FIP1L1: variants seen among roughly 807,000 people sequenced by gnomAD.
FIP1L1 encodes the protein pre-mRNA 3'-end-processing factor FIP1.
FIP1L1 carries 21 observed loss-of-function variants against 84.6 expected under a neutral mutation model. The observed-to-expected ratio is 0.25, with a 90% CI of 0.18 to 0.36. The LOEUF is 0.36. Among genes scored for constraint, FIP1L1 ranks in the 10% least tolerant of loss-of-function variants. The pLI is 1.00. For synonymous variants in FIP1L1, 263 were observed against 242.3 expected (o/e 1.09, Z -0.80); for missense variants, 526 against 751.1 (o/e 0.70, Z 3.50).
chr4:53,386,425 G>A (rs1741116851), intron 5 of FIP1L1, among the ~76,000 whole-genome samples: 1 of 152,168 alleles, frequency 6.6e-6, no homozygotes, highest in African/African-American at 2.4e-5. Flanking sequence ...TGAGAATACA[G>A]GAAGTTATTA....
intron 10 of FIP1L1, among the ~76,000 whole-genome samples, chr4:53,406,713 C>T (rs982464398): frequency 1.3e-5 from 2 of 152,152 alleles, no homozygotes; most frequent in African/African-American, 2.4e-5. Context: ...TTCAGGGATT[C>T]AACTTCTTCC....
At chr4:53,426,485 T>C (rs1241425975) in intron 12 of FIP1L1, among the ~76,000 whole-genome samples, 1 of 152,152 alleles carries the variant, frequency 6.6e-6, no homozygotes, top group Non-Finnish European at 1.5e-5. Context: ...TGATAAAATG[T>C]TGATGCTCAA....
intron 16 of FIP1L1, among the ~76,000 whole-genome samples, chr4:53,456,247 A>G (rs1346323457): frequency 1.3e-5 from 2 of 152,174 alleles, no homozygotes. Flanking sequence ...TGCATAAATA[A>G]CACATTGTTT....
intron 10 of FIP1L1, among the ~76,000 whole-genome samples, chr4:53,410,251 C>G (rs1167353548): frequency 6.6e-6 from 1 of 152,198 alleles, no homozygotes; most frequent in East Asian, 1.9e-4. Context: ...GATTTTCGGT[C>G]AGCTTATGAG....
At chr4:53,442,842 T>G in intron 14 of FIP1L1, 135 bp downstream of exon 14, 1 of 550,590 alleles carries the variant, frequency 1.8e-6, no homozygotes. Context: ...TAGATCTATG[T>G]TAGTTACTTT....
chr4:53,449,311 C>T lies in FIP1L1; in HGVS notation c.1286-3609C>T, dbSNP rs531659688. On this transcript the variant is annotated intron_variant, in intron 15 of 17. Transcript: ENST00000337488. ...GAAATTCTGTTCCTCTCCTGATTTT[C>T]CAAGGGCTTATAAAACTATGAATAG... Among the ~76,000 whole-genome samples the T allele has an allele frequency of 2.0e-5, 3 of 152,056 alleles. No individual in the cohort carries two copies. In the South Asian group the frequency reaches 6.2e-4, roughly 32 times the overall value.
At chr4:53,418,969 G>C (rs879860465) in intron 11 of FIP1L1, among the ~76,000 whole-genome samples, 3 of 152,168 alleles carry the variant, frequency 2.0e-5, no homozygotes, top group Admixed American at 1.3e-4. Context: ...CTGAATGCAT[G>C]TTGCTATAGT....
intron 16 of FIP1L1, among the ~76,000 whole-genome samples, chr4:53,453,741 AGTCATGCATCACCATG>A: frequency 6.6e-6 from 1 of 152,348 alleles, no homozygotes; most frequent in Non-Finnish European, 1.5e-5. Flanking sequence ...CTAAGACTAC[AGTCATGCATCACCATG>A]CTTGGCTGAT....
chr4:53,389,690 G>C, intron 5 of FIP1L1, 119 bp from the exon 6 acceptor site: 1 of 713,018 alleles, frequency 1.4e-6, no homozygotes, highest in Non-Finnish European at 2.3e-6. Context: ...AATAAAATGT[G>C]TGTCACACTA....
rs1462532684 is a variant in FIP1L1, at chr4:53,460,810, T to C, written c.*1361T>C. The C allele has an allele frequency of 1.5e-5, 18 of 1,209,866 alleles. No individual in the cohort carries two copies. The East Asian group carries it at 4.3e-4, about 29-fold the overall frequency. 74.9% of individuals were successfully genotyped at this position (1,209,866 alleles called of 1,614,324 possible). Reference sequence around the variant, plus strand: ...TTTTCCTGACATTTTTACAATGTATTCTTTCTTTAAATATAAAAACTGACA... The same window carrying C: ...TTTTCCTGACATTTTTACAATGTATCCTTTCTTTAAATATAAAAACTGACA... On this transcript the variant is annotated 3_prime_UTR_variant, in exon 18 of 18. Coordinates refer to ENST00000337488, the MANE Select transcript of FIP1L1 (RefSeq NM_030917.4).
At chr4:53,442,277 A>G (rs1221829689) in intron 13 of FIP1L1, 1 of 160,858 alleles carries the variant, frequency 6.2e-6, no homozygotes, top group Non-Finnish European at 1.4e-5. Flanking sequence ...GAAAGAGGTA[A>G]TTGCTATATA....
chr4:53,423,889 G>A (rs1184096270), intron 11 of FIP1L1, among the ~76,000 whole-genome samples: 1 of 152,088 alleles, frequency 6.6e-6, no homozygotes, highest in African/African-American at 2.4e-5. Flanking sequence ...ATTTTAAGAG[G>A]TGAATACTTC....
At chr4:53,450,964 T>C (rs988651771) in intron 15 of FIP1L1, among the ~76,000 whole-genome samples, 4 of 135,048 alleles carry the variant, frequency 3.0e-5, no homozygotes, top group African/African-American at 9.0e-5. Flanking sequence ...AAAGCTACTC[T>C]TTTTTTTTTT....
chr4:53,392,948 T>C (rs1166794370), intron 9 of FIP1L1, among the ~76,000 whole-genome samples: 1 of 152,168 alleles, frequency 6.6e-6, no homozygotes, highest in African/African-American at 2.4e-5. Context: ...TACTAATATG[T>C]TTGGTAGAAA....
chr4:53,415,173 G>T (rs1037949645), intron 11 of FIP1L1, among the ~76,000 whole-genome samples: 24 of 152,094 alleles, frequency 1.6e-4, no homozygotes, highest in African/African-American at 5.8e-4. Flanking sequence ...ATTTCATTAA[G>T]CAGACGTAGT....
chr4:53,423,072 T>G (rs919747923), intron 11 of FIP1L1, among the ~76,000 whole-genome samples: 1 of 152,174 alleles, frequency 6.6e-6, no homozygotes, highest in Non-Finnish European at 1.5e-5. Flanking sequence ...TCTTAAACTT[T>G]CTGTTGCATC....
At position 53,460,716 on chromosome 4, in the gene FIP1L1, AC is replaced by A; in HGVS notation, c.*1268del. 1 of 550,194 alleles carries A rather than the reference AC, an allele frequency of 1.8e-6. No homozygotes were observed. The highest frequency in any genetic ancestry group is 2.0e-5 in the African/African-American group (1 of 50,442). 34.1% of individuals were successfully genotyped at this position (550,194 alleles called of 1,614,324 possible). A position where few individuals can be genotyped will look rare whatever the true frequency, so the allele number is the denominator to read the frequency against. On this transcript the variant is annotated 3_prime_UTR_variant, in exon 18 of 18. Coordinates refer to ENST00000337488, the MANE Select transcript of FIP1L1 (RefSeq NM_030917.4). ...GAGAAATCCTCCACACTGAAAAAAA[AC>A]TAGTAGTTTTAATTTTTTTGGAATC...
In FIP1L1 at chr4:53,427,986, A is replaced by C. The variant is rs1306443342; in HGVS notation, c.1018-41A>C. 3.5e-6 allele frequency: 5 copies of C among 1,425,550 alleles called. No homozygotes were observed. The Admixed American group carries it at 9.4e-5, about 27-fold the overall frequency. 88.3% of individuals were successfully genotyped at this position (1,425,550 alleles called of 1,614,324 possible). A position where few individuals can be genotyped will look rare whatever the true frequency, so the allele number is the denominator to read the frequency against. On this transcript the variant is annotated intron_variant, in intron 12 of 17. Transcript: ENST00000337488. The stretch of plus-strand genomic sequence containing the variant: ...AATTTACTAAGATTAATCTTACATA[A>C]TATTTATGCATCTGTTTAATTAACT...
intron 15 of FIP1L1, among the ~76,000 whole-genome samples, chr4:53,447,715 G>T (rs773705002): frequency 6.6e-6 from 1 of 152,040 alleles, no homozygotes; most frequent in Non-Finnish European, 1.5e-5. Flanking sequence ...TCGGATGTTT[G>T]TTTTGGAATA....
Sources: allele counts gnomAD v4.1 joint callset (sites outside exome capture counted in the v4.1 genomes callset), GRCh38; gene constraint gnomAD v4.1.1; transcripts MANE v1.5; gene names NCBI Gene and HGNC (gene_info 2026-07-23, HGNC 2026-07-21).